Variants in ARHGAP12 observed in about 807,000 individuals in gnomAD.
ARHGAP12 encodes Rho GTPase activating protein 12.
ARHGAP12 carries 64 observed loss-of-function variants against 108.6 expected under a neutral mutation model. That is an observed-to-expected ratio of 0.59 (90% confidence interval 0.48 to 0.73). ARHGAP12 has a LOEUF of 0.73. Ranked by LOEUF, ARHGAP12 falls within the 30% of genes least tolerant of loss-of-function variation. The probability of loss-of-function intolerance (pLI) is 0.00; values close to 1 mark genes in which losing one functional copy is unlikely to be tolerated. For synonymous variants in ARHGAP12, 312 were observed against 337.2 expected (o/e 0.93, Z 0.82); for missense variants, 940 against 1,005.9 (o/e 0.93, Z 0.89).
chr10:31,829,368 A>C (rs1835744937), intron 10 of ARHGAP12, among the ~76,000 whole-genome samples: 1 of 152,210 alleles, frequency 6.6e-6, no homozygotes, highest in Non-Finnish European at 1.5e-5. Flanking sequence ...ATAGAGTTTC[A>C]GCGTTATGAG....
chr10:31,886,127 T>C (rs942175305), intron 3 of ARHGAP12, among the ~76,000 whole-genome samples: 5 of 152,218 alleles, frequency 3.3e-5, no homozygotes, highest in Admixed American at 3.3e-4. Context: ...CTGCTAAAGA[T>C]ATTCTATGCA....
chr10:31,854,000 G>T, intron 5 of ARHGAP12, 66 bp downstream of exon 5: 1 of 1,460,126 alleles, frequency 6.8e-7, no homozygotes, highest in Non-Finnish European at 9.2e-7. Context: ...TACTAAAACT[G>T]CAGTACACAA....
intron 3 of ARHGAP12, among the ~76,000 whole-genome samples, chr10:31,884,862 G>C (rs576913486): frequency 6.6e-6 from 1 of 152,144 alleles, no homozygotes; most frequent in African/African-American, 2.4e-5. Flanking sequence ...ATCTCCAGTT[G>C]AGCTCAAAAA....
At chr10:31,878,637 C>G (rs923975232) in intron 3 of ARHGAP12, among the ~76,000 whole-genome samples, 2 of 152,194 alleles carry the variant, frequency 1.3e-5, no homozygotes, top group African/African-American at 4.8e-5. Flanking sequence ...CCAAATCCAG[C>G]CTGCTGCCTT....
chr10:31,817,684 T>C (rs1247349033), intron 13 of ARHGAP12, 104 bp downstream of exon 13: 1 of 681,410 alleles, frequency 1.5e-6, no homozygotes, highest in Admixed American at 3.0e-5. Flanking sequence ...ATATATAAAG[T>C]GCCTTTTCAC....
chr10:31,887,118 A>C (rs980588002), intron 3 of ARHGAP12, among the ~76,000 whole-genome samples: 2 of 152,182 alleles, frequency 1.3e-5, no homozygotes, highest in Admixed American at 1.3e-4. Flanking sequence ...TACCTCATGT[A>C]CTTGTGGAGG....
At chr10:31,887,924 T>G (rs1239765310) in intron 3 of ARHGAP12, among the ~76,000 whole-genome samples, 2 of 152,184 alleles carry the variant, frequency 1.3e-5, no homozygotes, top group African/African-American at 4.8e-5. Context: ...CCCAAAGTGC[T>G]AGGATTACAG....
intron 11 of ARHGAP12, 137 bp from the exon 12 acceptor site, chr10:31,820,625 T>G (rs938572192): frequency 2.3e-6 from 1 of 444,188 alleles, no homozygotes; most frequent in Non-Finnish European, 3.8e-6. Context: ...TATTATAAAG[T>G]AACAATTTCT....
At chr10:31,911,252 G>A (rs1028568136) in intron 1 of ARHGAP12, among the ~76,000 whole-genome samples, 3 of 152,106 alleles carry the variant, frequency 2.0e-5, no homozygotes, top group African/African-American at 4.8e-5. Context: ...TCGAACTCCT[G>A]ACCTCAGGTG....
At chr10:31,825,805 T>C (rs922987967) in intron 11 of ARHGAP12, among the ~76,000 whole-genome samples, 2 of 152,190 alleles carry the variant, frequency 1.3e-5, no homozygotes, top group Non-Finnish European at 2.9e-5. Context: ...CTCAAATATA[T>C]AAAAAGCTTC....
At chr10:31,814,427 A>G (rs1016224663) in intron 13 of ARHGAP12, 66 bp from the exon 14 acceptor site, 1 of 1,264,642 alleles carries the variant, frequency 7.9e-7, no homozygotes, top group Middle Eastern at 2.0e-4. Flanking sequence ...GAATGGCATA[A>G]TTCTCACAAT....
intron 12 of ARHGAP12, among the ~76,000 whole-genome samples, chr10:31,820,178 T>A (rs1835353502): frequency 1.3e-5 from 2 of 152,200 alleles, no homozygotes; most frequent in South Asian, 4.1e-4. Flanking sequence ...AAACAAAGGC[T>A]TGTAATATAC....
Position 31,919,218 on chromosome 10 carries a change from G to T in ARHGAP12, c.-110-8655C>A, listed in dbSNP as rs185324293. The stretch of plus-strand genomic sequence containing the variant: ...GCAGAATGGTGGTTACCAAGGGATG[G>T]AGAAAGACAGCAACAGGAAGTTACT... On this transcript the variant is annotated intron_variant, in intron 1 of 19. Coordinates refer to ENST00000344936, the MANE Select transcript of ARHGAP12 (RefSeq NM_018287.7). Among the ~76,000 whole-genome samples the T allele has an allele frequency of 1.2e-3, 179 of 152,292 alleles. No homozygotes were observed. In the Middle Eastern group the frequency reaches 0.031, roughly 26 times the overall value.
chr10:31,826,236 G>C (rs1592258579), intron 11 of ARHGAP12, 68 bp downstream of exon 11: 6 of 1,276,496 alleles, frequency 4.7e-6, no homozygotes, highest in South Asian at 1.4e-5. Context: ...ATTACCTCCT[G>C]AAATTCAGGT....
chr10:31,842,743 G>A (rs1242294563), intron 7 of ARHGAP12, among the ~76,000 whole-genome samples: 1 of 152,034 alleles, frequency 6.6e-6, no homozygotes, highest in Non-Finnish European at 1.5e-5. Context: ...CATGCTACAA[G>A]AAGCCTGATG....
chr10:31,854,578 G>A lies in ARHGAP12; in HGVS notation c.949-372C>T, dbSNP rs190340261. Among the ~76,000 whole-genome samples the A allele has an allele frequency of 1.3e-3, 197 of 152,274 alleles. 2 individuals are homozygous for A. In the Middle Eastern group the frequency reaches 0.014, roughly 11 times the overall value. On this transcript the variant is annotated intron_variant, in intron 4 of 19. Coordinates refer to ENST00000344936, the MANE Select transcript of ARHGAP12 (RefSeq NM_018287.7). ...TCTGTGTGTAAACAAGGGAGGAGAC[G>A]AGGGAACTTCATTAGACTGAGCTCC... is the stretch of plus-strand genomic sequence containing the variant.
intron 1 of ARHGAP12, among the ~76,000 whole-genome samples, chr10:31,917,926 T>C (rs888367116): frequency 1.1e-4 from 17 of 152,068 alleles, no homozygotes; most frequent in African/African-American, 3.9e-4. Flanking sequence ...CCTGACTTTA[T>C]GGTGGGTTTA....
intron 6 of ARHGAP12, among the ~76,000 whole-genome samples, chr10:31,847,976 ACTGT>A (rs1362516787): frequency 6.6e-6 from 1 of 152,084 alleles, no homozygotes; most frequent in Non-Finnish European, 1.5e-5. Flanking sequence ...TTGGCTAAAA[ACTGT>A]CTGATCTAGA....
In ARHGAP12 at chr10:31,809,295, T is replaced by C. The variant is rs1186176784; in HGVS notation, c.2063A>G (p.Asp688Gly). Residue 688 changes from aspartate (D) to glycine (G), a missense_variant, in exon 17 of 20, where the codon GAT (aspartate) becomes GGT (glycine). Asp to Gly is a moderately conservative substitution (Grantham distance 94). Coordinates refer to ENST00000344936, the MANE Select transcript of ARHGAP12 (RefSeq NM_018287.7). ...EHVEEHGLDI[D>G]GIYRVSGNLA... Reference sequence around the variant, plus strand: ...GTTGCCACTTACTCTGTATATCCCATCAATATCCAAACCTAAGAGACAATA... The same window carrying C: ...GTTGCCACTTACTCTGTATATCCCACCAATATCCAAACCTAAGAGACAATA... 6.2e-7 allele frequency: 1 copy of C among 1,613,766 alleles called. No homozygotes were observed. The highest frequency in any genetic ancestry group is 1.1e-5 in the South Asian group (1 of 91,062).
Sources: gnomAD v4.1 joint callset for allele counts (sites outside exome capture counted in the v4.1 genomes callset) on GRCh38, gnomAD v4.1.1 for gene constraint, MANE v1.5 for transcripts, NCBI Gene and HGNC (gene_info 2026-07-23, HGNC 2026-07-21) for gene names.